Variants in TEX12 observed in about 807,000 individuals in gnomAD.
The protein encoded by TEX12 is testis-expressed protein 12.
Under a neutral mutation model 14.6 loss-of-function variants are expected in TEX12, and 7 were observed. The observed-to-expected ratio is 0.48, with a 90% CI of 0.27 to 0.90. TEX12 has a LOEUF of 0.90. TEX12 is among the 40% of genes least tolerant of loss of function. The pLI, the probability that TEX12 is intolerant of heterozygous loss-of-function variation, is 0.12. For synonymous variants in TEX12, 57 were observed against 49.1 expected, an observed-to-expected ratio of 1.16 and a Z score of -0.67; for missense variants, 121 against 135.7, an observed-to-expected ratio of 0.89 and a Z score of 0.54.
intron 4 of TEX12, 85 bp from the exon 5 acceptor site, chr11:112,171,687 G>A: frequency 1.1e-6 from 1 of 881,154 alleles, no homozygotes; most frequent in South Asian, 3.5e-5. Context: ...AAATGAAATA[G>A]TTAACAAATA....
Position 112,171,999 on chromosome 11 carries a change from AGTT to A in TEX12, c.*87_*89del. 9.0e-7 allele frequency: 1 copy of A among 1,109,482 alleles called. No individual in the cohort carries two copies. Among genetic ancestry groups the A allele is most frequent in the Non-Finnish European group, 1.2e-6 (1 of 832,524 alleles). 68.7% of individuals were successfully genotyped at this position (1,109,482 alleles called of 1,614,324 possible). On this transcript the variant is annotated 3_prime_UTR_variant, in exon 5 of 5. Transcript: ENST00000280358. ...GACATTTATGCTTTGAAAGCTCTCG[AGTT>A]GTTAAAGAAAATGTATATCTCGAAT...
At chr11:112,169,041 G>A (rs947622113) in intron 1 of TEX12, among the ~76,000 whole-genome samples, 1 of 152,178 alleles carries the variant, frequency 6.6e-6, no homozygotes, top group Admixed American at 6.5e-5. Context: ...AAGTTTTTGA[G>A]TTAAAGGAAT....
intron 2 of TEX12, among the ~76,000 whole-genome samples, chr11:112,170,057 G>A (rs2135334550): frequency 6.6e-6 from 1 of 152,278 alleles, no homozygotes; most frequent in African/African-American, 2.4e-5. Context: ...GAATGTTCCT[G>A]TAGTCCTAGC....
chr11:112,169,380 C>T (rs745631055), intron 2 of TEX12, 49 bp downstream of exon 2: 4 of 1,420,248 alleles, frequency 2.8e-6, no homozygotes, highest in Middle Eastern at 1.8e-4. Flanking sequence ...GTTTTACATA[C>T]TACTCAAATT....
chr11:112,170,963 C>T (rs1214704574), intron 4 of TEX12, among the ~76,000 whole-genome samples: 1 of 151,862 alleles, frequency 6.6e-6, no homozygotes, highest in East Asian at 1.9e-4. Flanking sequence ...ATGTAAATAC[C>T]TCTTTGAGAA....
At position 112,170,529 on chromosome 11, in the gene TEX12, T is replaced by A. The variant is rs1406757083; in HGVS notation, c.174T>A (p.Asn58Lys). ...ATGAAGCCTTGGAGAAAGATTTAAA[T>A]GGTGATGTATAAAATGTTTATATTT... Reference protein sequence around the residue: ...YKDEALEKDLNDVSKEINLML... With the variant: ...YKDEALEKDLKDVSKEINLML... Residue 58 changes from asparagine (N) to lysine (K), a missense_variant and splice_region_variant, in exon 3 of 5, where the codon AAT becomes AAA. Transcript: ENST00000280358. 1.9e-6 allele frequency: 3 copies of A among 1,601,734 alleles called. No individual in the cohort carries two copies. Among genetic ancestry groups the A allele is most frequent in the Non-Finnish European group, 2.6e-6 (3 of 1,169,396 alleles).
rs974537713 is a variant in TEX12 at position 112,172,154 on chromosome 11, G to C, written c.*238G>C. ...ACATGAACTACGTCACTTTTCTTTT[G>C]AGGGTCAAATATTTAGTGCATTTTA... On this transcript the variant is annotated 3_prime_UTR_variant, in exon 5 of 5. Transcript: ENST00000280358. The C allele has an allele frequency of 4.3e-6, 1 of 235,126 alleles. No individual in the cohort carries two copies. The highest frequency in any genetic ancestry group is 2.2e-5 in the African/African-American group (1 of 44,534). The allele number at this position is 235,126 out of a possible 1,614,324, so 14.6% of individuals were successfully genotyped here. A position where few individuals can be genotyped will look rare whatever the true frequency, so the allele number is the denominator to read the frequency against.
At position 112,170,626 on chromosome 11, in the gene TEX12, T is replaced by C; in HGVS notation, c.179T>C (p.Val60Ala). The C allele has an allele frequency of 6.2e-7, 1 of 1,611,616 alleles. No individual in the cohort carries two copies. The highest frequency in any genetic ancestry group is 8.5e-7 in the Non-Finnish European group (1 of 1,178,160). ...TTAAATGATTTTTCTTGAACAGATGTGAGCAAGGAAATTAATCTAATGTTG... is the reference window on the plus strand; with the variant it reads ...TTAAATGATTTTTCTTGAACAGATGCGAGCAAGGAAATTAATCTAATGTTG... ...DEALEKDLND[V>A]SKEINLMLST... The change falls in exon 4 of 5, where the codon GTG becomes GCG. Residue 60 changes from valine to alanine, a missense_variant. Val to Ala is a moderately conservative substitution (Grantham distance 64). Coordinates refer to ENST00000280358, the MANE Select transcript of TEX12 (RefSeq NM_031275.4).
Position 112,171,901 on chromosome 11 carries a change from C to T in TEX12, c.357C>T (p.Asn119=). 1 of 1,533,128 alleles carries T rather than the reference C, an allele frequency of 6.5e-7. No individual in the cohort carries two copies. Among genetic ancestry groups the T allele is most frequent in the Non-Finnish European group, 8.7e-7 (1 of 1,144,436 alleles). The allele number at this position is 1,533,128 out of a possible 1,614,324, so 95.0% of individuals were successfully genotyped here. A position where few individuals can be genotyped will look rare whatever the true frequency, so the allele number is the denominator to read the frequency against. Residue 119 remains asparagine, a synonymous_variant, in exon 5 of 5, where the codon AAC becomes AAT. Coordinates refer to ENST00000280358, the MANE Select transcript of TEX12 (RefSeq NM_031275.4). ...FLRQRFTVIA[N]TLHR is the part of the protein sequence containing the mutation. ...GACAGAGGTTTACAGTGATTGCAAACACATTACACAGATAAAATATATACT... is the reference window on the plus strand; with the variant it reads ...GACAGAGGTTTACAGTGATTGCAAATACATTACACAGATAAAATATATACT...
At chr11:112,170,589 A>T in intron 3 of TEX12, 34 bp from the exon 4 acceptor site, 1 of 1,598,476 alleles carries the variant, frequency 6.3e-7, no homozygotes, top group South Asian at 1.1e-5. Flanking sequence ...AAGGTTTGTT[A>T]TATTTTATAA....
chr11:112,169,189 G>A, intron 1 of TEX12, 64 bp from the exon 2 acceptor site: 1 of 1,083,148 alleles, frequency 9.2e-7, no homozygotes. Flanking sequence ...AAACAGGGAA[G>A]GATTCCAGAG....
intron 1 of TEX12, among the ~76,000 whole-genome samples, chr11:112,168,457 C>T (rs1474247628): frequency 7.2e-5 from 11 of 152,092 alleles, no homozygotes; most frequent in Non-Finnish European, 1.6e-4. Flanking sequence ...CTTGATCCAC[C>T]GTCACTGTCC....
At chr11:112,171,208 G>T (rs960450183) in intron 4 of TEX12, among the ~76,000 whole-genome samples, 2 of 151,776 alleles carry the variant, frequency 1.3e-5, no homozygotes, top group African/African-American at 4.8e-5. Flanking sequence ...GCATTTACAT[G>T]GTATTGGTCT....
rs1202571769 is a variant in TEX12, at chr11:112,169,272, A to G, written c.4A>G (p.Met2Val). 5.0e-6 allele frequency: 8 copies of G among 1,613,660 alleles called. No individual in the cohort carries two copies. Among genetic ancestry groups the G allele is most frequent in the Non-Finnish European group, 6.8e-6 (8 of 1,179,672 alleles). The change falls in exon 2 of 5, where the codon ATG (methionine) becomes GTG (valine). Residue 2 changes from methionine (M) to valine (V), a missense_variant. Physicochemically the swap from Met to Val is conservative, Grantham distance 21. Transcript: ENST00000280358. M[M>V]ANHLVKPDNR... Reference sequence around the variant, plus strand: ...TTGTAGCTGGTGCCTTCGGAATATGATGGCAAATCACCTTGTAAAGCCTGA... The same window carrying G: ...TTGTAGCTGGTGCCTTCGGAATATGGTGGCAAATCACCTTGTAAAGCCTGA...
At chr11:112,167,694 G>A (rs1225243392) in intron 1 of TEX12, among the ~76,000 whole-genome samples, 2 of 152,174 alleles carry the variant, frequency 1.3e-5, no homozygotes, top group African/African-American at 2.4e-5. Flanking sequence ...AGGTCACTAA[G>A]CCTAAGATGG....
At chr11:112,170,729 C>T in intron 4 of TEX12, 55 bp downstream of exon 4, 2 of 1,435,884 alleles carry the variant, frequency 1.4e-6, no homozygotes, top group South Asian at 2.4e-5. Flanking sequence ...CTTCTGGAAA[C>T]TCTGTATTGG....
At chr11:112,169,941 C>T (rs1196097145) in intron 2 of TEX12, among the ~76,000 whole-genome samples, 5 of 152,178 alleles carry the variant, frequency 3.3e-5, no homozygotes. Context: ...GAGGCTGAGG[C>T]AGGAGTATCG....
At position 112,172,262 on chromosome 11, in the gene TEX12, A is replaced by C. The variant is rs1866801446; in HGVS notation, c.*346A>C. The C allele has an allele frequency of 6.5e-6, 1 of 153,388 alleles. No homozygotes were observed. The highest frequency in any genetic ancestry group is 2.4e-5 in the African/African-American group (1 of 41,498). The allele number at this position is 153,388 out of a possible 1,614,324, so 9.5% of individuals were successfully genotyped here. A position where few individuals can be genotyped will look rare whatever the true frequency, so the allele number is the denominator to read the frequency against. On this transcript the variant is annotated 3_prime_UTR_variant, in exon 5 of 5. Coordinates refer to ENST00000280358, the MANE Select transcript of TEX12 (RefSeq NM_031275.4). ...TTAGTGTTTCTGAAACTTCTAAAAA[A>C]GGATTCAGTTAATTTATAATGTTTA...
rs1866740333 is a variant in TEX12 at position 112,167,478 on chromosome 11, A to G, written c.-26A>G. The G allele has an allele frequency of 6.6e-6, 1 of 152,616 alleles. No homozygotes were observed. Among genetic ancestry groups the G allele is most frequent in the African/African-American group, 2.4e-5 (1 of 41,454 alleles). The allele number at this position is 152,616 out of a possible 1,614,324, so 9.5% of individuals were successfully genotyped here. The stretch of plus-strand genomic sequence containing the variant: ...CTGTGAGAATGTGACGGACTGTGAC[A>G]CAAGGAAGGGTGCGAGGATGGAAAC... On this transcript the variant is annotated 5_prime_UTR_variant, in exon 1 of 5. Transcript: ENST00000280358.
Sources: gnomAD v4.1 joint callset for allele counts (sites outside exome capture counted in the v4.1 genomes callset) on GRCh38, gnomAD v4.1.1 for gene constraint, MANE v1.5 for transcripts, NCBI Gene and HGNC (gene_info 2026-07-23, HGNC 2026-07-21) for gene names.